Variants in ISM1 observed in about 807,000 individuals in gnomAD.
The protein encoded by ISM1 is isthmin-1.
A neutral mutation model predicts 46.3 loss-of-function variants in ISM1; 25 were observed. That is an observed-to-expected ratio of 0.54 (90% CI 0.39 to 0.75). The LOEUF (loss-of-function observed/expected upper bound fraction) is 0.75. Among genes scored for constraint, ISM1 ranks in the 30% least tolerant of loss-of-function variants. The pLI is 0.00. For missense variants in ISM1, 536 were observed against 625.4 expected (o/e 0.86, Z 1.52); for synonymous variants, 255 against 256.7 (o/e 0.99, Z 0.06).
At chr20:13,251,171 C>T (rs1203328561) in intron 1 of ISM1, among the ~76,000 whole-genome samples, 3 of 152,148 alleles carry the variant, frequency 2.0e-5, no homozygotes, top group East Asian at 1.9e-4. Flanking sequence ...ATTTCTTTCA[C>T]CCAGTAGTTG....
chr20:13,319,213 TA>T, the ISM1 span, among the ~76,000 whole-genome samples: 1 of 151,884 alleles, frequency 6.6e-6, no homozygotes, highest in Admixed American at 6.6e-5. Flanking sequence ...AAGTGACTAT[TA>T]GGTAGAAGAA....
chr20:13,249,717 TG>T (rs1192237902), intron 1 of ISM1, among the ~76,000 whole-genome samples: 1 of 152,210 alleles, frequency 6.6e-6, no homozygotes, highest in East Asian at 1.9e-4. Flanking sequence ...GAACACACAA[TG>T]GGAAGCCAAA....
At chr20:13,285,479 G>T (rs2040281526) in intron 3 of ISM1, among the ~76,000 whole-genome samples, 1 of 152,162 alleles carries the variant, frequency 6.6e-6, no homozygotes, top group African/African-American at 2.4e-5. Context: ...TGTAGATGCT[G>T]TATTGAGATG....
At chr20:13,277,679 C>T (rs1216087622) in intron 2 of ISM1, among the ~76,000 whole-genome samples, 3 of 150,500 alleles carry the variant, frequency 2.0e-5, no homozygotes, top group Non-Finnish European at 4.4e-5. Context: ...TACTGAAAAG[C>T]TCCACAATTA....
At chr20:13,278,699 C>T (rs1288535573) in intron 2 of ISM1, among the ~76,000 whole-genome samples, 1 of 152,172 alleles carries the variant, frequency 6.6e-6, no homozygotes, top group African/African-American at 2.4e-5. Flanking sequence ...ACAATGACCA[C>T]GGGATTGCTG....
At chr20:13,283,899 G>A (rs553831442) in intron 3 of ISM1, among the ~76,000 whole-genome samples, 1 of 152,050 alleles carries the variant, frequency 6.6e-6, no homozygotes, top group African/African-American at 2.4e-5. Context: ...TTATGGCCAC[G>A]TAAGAGCGTA....
the ISM1 span, among the ~76,000 whole-genome samples, chr20:13,316,362 T>C: frequency 2.0e-5 from 3 of 152,038 alleles, no homozygotes; most frequent in Middle Eastern, 3.4e-3. Flanking sequence ...ATACCAAACA[T>C]TTTAAAAAGA....
chr20:13,311,090 A>C, the ISM1 span, among the ~76,000 whole-genome samples: 4 of 152,118 alleles, frequency 2.6e-5, no homozygotes, highest in Non-Finnish European at 5.9e-5. Flanking sequence ...GCTACTCTGG[A>C]GGCTGAGGTG....
At chr20:13,305,702 G>C in the ISM1 span, among the ~76,000 whole-genome samples, 1 of 152,094 alleles carries the variant, frequency 6.6e-6, no homozygotes, top group Admixed American at 6.5e-5. Context: ...GCTTAGTATT[G>C]GTTTACCATA....
the ISM1 span, among the ~76,000 whole-genome samples, chr20:13,307,324 C>T: frequency 3.9e-5 from 6 of 152,202 alleles, no homozygotes; most frequent in Middle Eastern, 3.4e-3. Flanking sequence ...AAAGCACACA[C>T]GTATCATAAG....
chr20:13,291,206 C>A (rs2040349608), intron 4 of ISM1, among the ~76,000 whole-genome samples: 1 of 152,166 alleles, frequency 6.6e-6, no homozygotes, highest in African/African-American at 2.4e-5. Context: ...CTCTTCATAC[C>A]TTTTCTTCTC....
chr20:13,318,136 A>AAAATAAATAAAT, the ISM1 span, among the ~76,000 whole-genome samples: 61,099 of 144,902 alleles, frequency 0.42, 13,996 homozygotes, highest in East Asian at 0.68. Context: ...GACACTTGAA[A>AAAATAAATAAAT]AAATAAATAA....
chr20:13,283,602 G>C (rs2040260440), intron 3 of ISM1, among the ~76,000 whole-genome samples: 1 of 152,212 alleles, frequency 6.6e-6, no homozygotes, highest in Non-Finnish European at 1.5e-5. Context: ...CTGTGAGTCA[G>C]CTCAACTGTG....
chr20:13,263,158 G>A (rs1183659284), intron 1 of ISM1, among the ~76,000 whole-genome samples: 2 of 152,100 alleles, frequency 1.3e-5, no homozygotes, highest in Non-Finnish European at 2.9e-5. Flanking sequence ...TATAAAATAC[G>A]GCCATTGACA....
At chr20:13,284,662 G>A (rs573791829) in intron 3 of ISM1, among the ~76,000 whole-genome samples, 21 of 152,280 alleles carry the variant, frequency 1.4e-4, no homozygotes, top group African/African-American at 4.6e-4. Flanking sequence ...GGTCTTTGCC[G>A]GGACATTGAT....
chr20:13,295,478 G>T (rs886443833), intron 5 of ISM1, among the ~76,000 whole-genome samples: 3 of 152,086 alleles, frequency 2.0e-5, no homozygotes, highest in African/African-American at 7.2e-5. Context: ...ATTTTTTCCT[G>T]CATAACCTTA....
chr20:13,221,900 C>T lies in ISM1; in HGVS notation c.124C>T (p.Gln42Ter). Residue 42 changes from glutamine (Q) to a stop codon, truncating the protein, a stop_gained, in exon 1 of 6, where the codon CAA becomes TAA. Transcript: ENST00000262487. LOFTEE classifies it high-confidence loss of function. ...CGACGCGGCCGCGGGCAACGCCAGC[C>T]AAGCCCAGCTGCAGGTGAGTGCGCC... ...GPDAAAGNAS[Q>*]AQLQNNLNVG... 2 of 1,378,028 alleles carry T rather than the reference C, an allele frequency of 1.5e-6. No individual in the cohort carries two copies. The highest frequency in any genetic ancestry group is 9.3e-7 in the Non-Finnish European group (1 of 1,073,120). 85.4% of individuals were successfully genotyped at this position (1,378,028 alleles called of 1,614,324 possible).
intron 2 of ISM1, among the ~76,000 whole-genome samples, chr20:13,272,499 G>A (rs1045139363): frequency 5.3e-5 from 8 of 152,230 alleles, no homozygotes; most frequent in African/African-American, 1.7e-4. Context: ...GACAGAGGAG[G>A]AAAAGCACTG....
intron 1 of ISM1, among the ~76,000 whole-genome samples, chr20:13,225,402 A>G (rs2039511693): frequency 6.6e-6 from 1 of 152,206 alleles, no homozygotes; most frequent in Non-Finnish European, 1.5e-5. Context: ...GTATCTTGAC[A>G]GTCTTACTGT....
Sources: gnomAD v4.1 joint callset for allele counts (sites outside exome capture counted in the v4.1 genomes callset) on GRCh38, gnomAD v4.1.1 for gene constraint, MANE v1.5 for transcripts, NCBI Gene and HGNC (gene_info 2026-07-23, HGNC 2026-07-21) for gene names.